The following SESTD1 variants were observed in gnomAD, a reference collection of about 807,000 sequenced individuals.
SESTD1 encodes SEC14 and spectrin domain containing 1, also known as SEC14 domain and spectrin repeat-containing protein 1.
Under a neutral mutation model 101.7 loss-of-function variants are expected in SESTD1, and 43 were observed. That is an observed-to-expected ratio of 0.42 (90% CI 0.33 to 0.55). The LOEUF (loss-of-function observed/expected upper bound fraction) is 0.55. Among genes scored for constraint, SESTD1 ranks in the 20% least tolerant of loss-of-function variants. The pLI, the probability that SESTD1 is intolerant of heterozygous loss-of-function variation, is 0.07. For synonymous variants in SESTD1, 283 were observed against 286.8 expected (o/e 0.99, Z 0.13); for missense variants, 647 against 815.1 (o/e 0.79, Z 2.51).
rs184492893 is a variant in SESTD1, at chr2:179,215,302, C to T, written c.-25-23436G>A. ...AACAGATGCAATAAAAAATGATAAA[C>T]GGGATATCACCACTAATCTAACAGA... On this transcript the variant is annotated intron_variant, in intron 1 of 17. Coordinates refer to ENST00000428443, the MANE Select transcript of SESTD1 (RefSeq NM_178123.5). 8.9e-5 allele frequency among the ~76,000 whole-genome samples: 12 copies of T among 134,282 alleles called. 4 individuals carry two copies. The highest frequency in any genetic ancestry group is 2.2e-4 in the Admixed American group (3 of 13,808). The allele number at this position is 134,282 out of a possible 152,430, so 88.1% of individuals were successfully genotyped here. A position where few individuals can be genotyped will look rare whatever the true frequency, so the allele number is the denominator to read the frequency against.
At chr2:179,116,830 TCTTTA>T (rs2044643678) in intron 14 of SESTD1, 40 bp from the exon 15 acceptor site, 3 of 1,595,538 alleles carry the variant, frequency 1.9e-6, no homozygotes, top group African/African-American at 2.7e-5. Context: ...GATTCAGAAC[TCTTTA>T]CTTATTGTAT....
chr2:179,166,692 C>A (rs1272481130), intron 5 of SESTD1, among the ~76,000 whole-genome samples: 4 of 152,166 alleles, frequency 2.6e-5, no homozygotes. Flanking sequence ...GAAAGACTTT[C>A]TCTGAGGCGC....
chr2:179,228,491 T>A (rs753049396), intron 1 of SESTD1, among the ~76,000 whole-genome samples: 2 of 152,186 alleles, frequency 1.3e-5, no homozygotes, highest in Non-Finnish European at 2.9e-5. Context: ...ATGGGGTCTG[T>A]CTTTAATGAA....
At chr2:179,148,885 G>A (rs1371796969) in intron 7 of SESTD1, among the ~76,000 whole-genome samples, 1 of 151,468 alleles carries the variant, frequency 6.6e-6, no homozygotes, top group Non-Finnish European at 1.5e-5. Context: ...ATGGTGAAAC[G>A]CCGTCTTTAT....
chr2:179,140,046 T>C (rs1364983884), intron 9 of SESTD1, among the ~76,000 whole-genome samples: 1 of 152,204 alleles, frequency 6.6e-6, no homozygotes, highest in African/African-American at 2.4e-5. Flanking sequence ...ATCCCTTCTA[T>C]TGTGCTTTGA....
rs915507708 is a variant in SESTD1, at chr2:179,102,784, G to C, written c.*7115C>G. 6 of 151,986 alleles carry C rather than the reference G, an allele frequency of 3.9e-5. No homozygotes were observed. The highest frequency in any genetic ancestry group is 1.2e-4 in the African/African-American group (5 of 41,378). 9.4% of individuals were successfully genotyped at this position (151,986 alleles called of 1,614,324 possible). A position where few individuals can be genotyped will look rare whatever the true frequency, so the allele number is the denominator to read the frequency against. On this transcript the variant is annotated 3_prime_UTR_variant, in exon 18 of 18. Transcript: ENST00000428443. ...GAGTGTGAAAAAACTACAGCTGGGT[G>C]GTATTGAATAAAGAGACAATATTGA...
chr2:179,212,706 C>T (rs917640791), intron 1 of SESTD1, among the ~76,000 whole-genome samples: 1 of 135,056 alleles, frequency 7.4e-6, no homozygotes, highest in Non-Finnish European at 1.6e-5. Context: ...CCCTGACCCC[C>T]GTGTACCTAA....
chr2:179,237,133 G>GGGACAAATGAAATTATTTTCTAATAATT (rs1196403159), intron 1 of SESTD1, among the ~76,000 whole-genome samples: 3,726 of 151,338 alleles, frequency 0.025, 80 homozygotes, highest in Non-Finnish European at 0.032. Context: ...TTCTAATAAT[G>GGGACAAATGAAATTATTTTCTAATAATT]TACATTATTA....
chr2:179,253,047 A>C (rs555192194), intron 1 of SESTD1, among the ~76,000 whole-genome samples: 1 of 152,310 alleles, frequency 6.6e-6, no homozygotes, highest in East Asian at 1.9e-4. Context: ...TAAAATACAT[A>C]GGTGGCTAGG....
intron 1 of SESTD1, among the ~76,000 whole-genome samples, chr2:179,232,239 C>G (rs992504402): frequency 2.6e-4 from 30 of 116,516 alleles, no homozygotes; most frequent in African/African-American, 1.4e-3. Flanking sequence ...CAAAATTATA[C>G]ATTTTCCAAA....
At chr2:179,119,086 G>A (rs2044694932) in intron 13 of SESTD1, among the ~76,000 whole-genome samples, 1 of 152,168 alleles carries the variant, frequency 6.6e-6, no homozygotes, top group Non-Finnish European at 1.5e-5. Context: ...GGATTATGAA[G>A]GGTCTCCTAC....
At chr2:179,240,395 T>C (rs1367484316) in intron 1 of SESTD1, among the ~76,000 whole-genome samples, 3 of 152,080 alleles carry the variant, frequency 2.0e-5, no homozygotes, top group African/African-American at 7.2e-5. Context: ...TGCTACACAT[T>C]ACATATAAAA....
chr2:179,217,456 C>T (rs905510448), intron 1 of SESTD1, among the ~76,000 whole-genome samples: 2 of 151,916 alleles, frequency 1.3e-5, no homozygotes, highest in South Asian at 2.1e-4. Context: ...GTTAGAATGG[C>T]GATTATTAAA....
intron 5 of SESTD1, among the ~76,000 whole-genome samples, chr2:179,153,965 T>C (rs1277529352): frequency 1.3e-5 from 2 of 150,538 alleles, no homozygotes; most frequent in Non-Finnish European, 2.9e-5. Context: ...AAAACGAGAC[T>C]GGGCACGGTG....
intron 1 of SESTD1, among the ~76,000 whole-genome samples, chr2:179,241,664 T>C (rs1170349975): frequency 1.3e-5 from 2 of 151,946 alleles, no homozygotes; most frequent in Admixed American, 6.5e-5. Context: ...GGCTCACGCA[T>C]GTAATCCCAG....
chr2:179,223,549 TAAAA>T (rs896562107), intron 1 of SESTD1, among the ~76,000 whole-genome samples: 1 of 140,962 alleles, frequency 7.1e-6, no homozygotes, highest in Admixed American at 7.1e-5. Context: ...ATATAAAAAC[TAAAA>T]AAAAAAAAGT....
chr2:179,218,110 C>T (rs1177670057), intron 1 of SESTD1, among the ~76,000 whole-genome samples: 1 of 151,948 alleles, frequency 6.6e-6, no homozygotes, highest in Non-Finnish European at 1.5e-5. Context: ...GCACATGTAC[C>T]CTAGAACTTA....
At chr2:179,112,874 C>G (rs372743197) in intron 16 of SESTD1, 29 bp from the exon 17 acceptor site, 205 of 1,594,012 alleles carry the variant, frequency 1.3e-4, no homozygotes, top group Non-Finnish European at 1.7e-4. Context: ...CAACATCAAT[C>G]AAGAGACACA....
At chr2:179,152,143 T>C (rs919049798) in intron 5 of SESTD1, among the ~76,000 whole-genome samples, 1 of 152,196 alleles carries the variant, frequency 6.6e-6, no homozygotes, top group Non-Finnish European at 1.5e-5. Flanking sequence ...TGTGAATTTA[T>C]TAAAAATGAC....
Sources: allele counts gnomAD v4.1 joint callset (sites outside exome capture counted in the v4.1 genomes callset), GRCh38; gene constraint gnomAD v4.1.1; transcripts MANE v1.5; gene names NCBI Gene and HGNC (gene_info 2026-07-23, HGNC 2026-07-21).